The following TPTE2 variants were observed in gnomAD, a reference collection of about 807,000 sequenced individuals.
TPTE2 encodes phosphatidylinositol 3,4,5-trisphosphate 3-phosphatase TPTE2.
Under a neutral mutation model 78.6 loss-of-function variants are expected in TPTE2, and 53 were observed. The observed-to-expected ratio is 0.67, with a 90% confidence interval of 0.54 to 0.85. The LOEUF (loss-of-function observed/expected upper bound fraction) is 0.85. Ranked by LOEUF, TPTE2 falls within the 40% of genes least tolerant of loss-of-function variation. The pLI is 0.00. For synonymous variants in TPTE2, 175 were observed against 206.2 expected (o/e 0.85, Z 1.30); for missense variants, 461 against 623.0 (o/e 0.74, Z 2.77).
At chr13:19,560,985 C>T in the TPTE2 span, 234 of 1,584,292 alleles carry the variant, frequency 1.5e-4, no homozygotes, top group Non-Finnish European at 1.8e-4. Flanking sequence ...GATGACACAC[C>T]GCAGTGGTAG....
At chr13:19,493,955 AGGATTTGAGGTTT>A (rs1245753099) in intron 1 of TPTE2, among the ~76,000 whole-genome samples, 3 of 152,282 alleles carry the variant, frequency 2.0e-5, no homozygotes, top group African/African-American at 7.2e-5. Flanking sequence ...ACAATCCAAT[AGGATTTGAGGTTT>A]GGAGCACCTG....
intron 1 of TPTE2, among the ~76,000 whole-genome samples, chr13:19,529,890 C>T (rs1870758475): frequency 6.6e-6 from 1 of 152,124 alleles, no homozygotes; most frequent in Admixed American, 6.6e-5. Flanking sequence ...AGCTTTCTGG[C>T]TTTAATTTTT....
chr13:19,496,719 C>G (rs998953330), intron 1 of TPTE2, among the ~76,000 whole-genome samples: 1 of 152,212 alleles, frequency 6.6e-6, no homozygotes, highest in Non-Finnish European at 1.5e-5. Context: ...ATTTTCTCCT[C>G]CCTTCTGTCA....
At chr13:19,450,768 T>C (rs1349777590) in intron 11 of TPTE2, among the ~76,000 whole-genome samples, 1 of 152,156 alleles carries the variant, frequency 6.6e-6, no homozygotes, top group African/African-American at 2.4e-5. Flanking sequence ...TCTTTTGCTT[T>C]TTTCCCATCT....
At chr13:19,489,836 C>A (rs1880900501) in intron 3 of TPTE2, among the ~76,000 whole-genome samples, 1 of 151,656 alleles carries the variant, frequency 6.6e-6, no homozygotes, top group Non-Finnish European at 1.5e-5. Context: ...GACACCACCA[C>A]TGAAAGGTGA....
intron 4 of TPTE2, among the ~76,000 whole-genome samples, chr13:19,478,016 G>C (rs1381450183): frequency 6.6e-6 from 1 of 152,122 alleles, no homozygotes; most frequent in African/African-American, 2.4e-5. Context: ...GAAGAACACA[G>C]AAATAAGGAA....
chr13:19,509,986 T>C (rs1449211181), intron 1 of TPTE2, among the ~76,000 whole-genome samples: 1 of 152,112 alleles, frequency 6.6e-6, no homozygotes, highest in African/African-American at 2.4e-5. Flanking sequence ...AATGTGTAAA[T>C]TAAAACTATG....
At chr13:19,424,673 A>C (rs911642053) in intron 19 of TPTE2, among the ~76,000 whole-genome samples, 55 of 152,222 alleles carry the variant, frequency 3.6e-4, no homozygotes, top group African/African-American at 1.3e-3. Context: ...GGAGGAATTT[A>C]CTACCAAACT....
upstream of TPTE2, among the ~76,000 whole-genome samples, chr13:19,507,862 C>T (rs1194687687): frequency 6.6e-6 from 1 of 152,192 alleles, no homozygotes; most frequent in Admixed American, 6.5e-5. Flanking sequence ...TGCTGTCTGG[C>T]CACATTGCCA....
intron 1 of TPTE2, among the ~76,000 whole-genome samples, chr13:19,516,567 C>T (rs1453086462): frequency 6.6e-6 from 1 of 152,120 alleles, no homozygotes; most frequent in Non-Finnish European, 1.5e-5. Flanking sequence ...CTTTGTAAGC[C>T]ACCAATTTCA....
intron 1 of TPTE2, among the ~76,000 whole-genome samples, chr13:19,527,745 G>A (rs1163583261): frequency 6.6e-6 from 1 of 152,144 alleles, no homozygotes. Context: ...GTGCACCCCT[G>A]TGGTCCCAGC....
chr13:19,540,872 G>C (rs1288302684), upstream of TPTE2, among the ~76,000 whole-genome samples: 2 of 152,086 alleles, frequency 1.3e-5, no homozygotes, highest in Non-Finnish European at 2.9e-5. Context: ...TCTAATAACA[G>C]GTTTGTTTCT....
At chr13:19,464,672 A>T in intron 9 of TPTE2, 152 bp from the exon 13 acceptor site, 3 of 786,808 alleles carry the variant, frequency 3.8e-6, no homozygotes, top group Non-Finnish European at 6.0e-6. Flanking sequence ...CAGGATAATC[A>T]AATAACATAT....
At chr13:19,449,139 T>C (rs1566044497) in intron 13 of TPTE2, among the ~76,000 whole-genome samples, 1 of 151,980 alleles carries the variant, frequency 6.6e-6, no homozygotes, top group African/African-American at 2.4e-5. Flanking sequence ...GAGACAAAAC[T>C]GGGGGGATTG....
At chr13:19,485,153 T>C (rs1880589102) in intron 3 of TPTE2, among the ~76,000 whole-genome samples, 1 of 152,184 alleles carries the variant, frequency 6.6e-6, no homozygotes, top group African/African-American at 2.4e-5. Flanking sequence ...CAGTAACTTT[T>C]AAAGTTTTGC....
chr13:19,441,452 A>G (rs1224568419), intron 13 of TPTE2, among the ~76,000 whole-genome samples: 1 of 152,234 alleles, frequency 6.6e-6, no homozygotes, highest in Non-Finnish European at 1.5e-5. Flanking sequence ...AAAAGAAAAA[A>G]AAGTATTTTG....
chr13:19,480,265 T>C (rs545710732), intron 4 of TPTE2, among the ~76,000 whole-genome samples: 1 of 152,326 alleles, frequency 6.6e-6, no homozygotes, highest in Admixed American at 6.5e-5. Flanking sequence ...CTGGTCTTCC[T>C]GCTCACTCTA....
chr13:19,475,481 C>G (rs1166666513), intron 5 of TPTE2, 92 bp downstream of exon 8: 2 of 1,429,364 alleles, frequency 1.4e-6, no homozygotes, highest in East Asian at 4.8e-5. Context: ...CCGCCTCAGC[C>G]CCCCAGAGTG....
In TPTE2 at chr13:19,450,358, T is replaced by C. The variant is rs1437464791; in HGVS notation, c.803-14A>G. Reference sequence around the variant, plus strand: ...AAGCTCTTTCACCTAAAATAAATAATATGTATGTCATATCTCTATAGGGAA... The same window carrying C: ...AAGCTCTTTCACCTAAAATAAATAACATGTATGTCATATCTCTATAGGGAA... On this transcript the variant is annotated splice_polypyrimidine_tract_variant and intron_variant, in intron 11 of 19. Coordinates refer to ENST00000400230, the Ensembl canonical transcript of TPTE2. The C allele has an allele frequency of 3.8e-6, 6 of 1,599,886 alleles. No homozygotes were observed. The Admixed American group carries it at 5.0e-5, about 13-fold the overall frequency.
Sources: gnomAD v4.1 joint callset for allele counts (sites outside exome capture counted in the v4.1 genomes callset) on GRCh38, gnomAD v4.1.1 for gene constraint, MANE v1.5 for transcripts, NCBI Gene and HGNC (gene_info 2026-07-23, HGNC 2026-07-21) for gene names.